Variants in TMEM181 observed in about 807,000 individuals in gnomAD.
The protein encoded by TMEM181 is transmembrane protein 181.
TMEM181 carries 39 observed loss-of-function variants against 71.9 expected under a neutral mutation model. That is an observed-to-expected ratio of 0.54 (90% confidence interval 0.42 to 0.71). The LOEUF (loss-of-function observed/expected upper bound fraction) is 0.71, where lower values mean the gene tolerates loss of function less well. Among genes scored for constraint, TMEM181 ranks in the 30% least tolerant of loss-of-function variants. The pLI is 0.00. For synonymous variants in TMEM181, 245 were observed against 228.8 expected, an observed-to-expected ratio of 1.07 and a Z score of -0.64; for missense variants, 595 against 583.0, an observed-to-expected ratio of 1.02 and a Z score of -0.21.
chr6:158,608,887 C>T lies in TMEM181; in HGVS notation c.896+137C>T, dbSNP rs1275683154. The T allele has an allele frequency of 6.4e-6, 5 of 785,040 alleles. No homozygotes were observed. In the Admixed American group the frequency reaches 1.1e-4, roughly 17 times the overall value. 48.6% of individuals were successfully genotyped at this position (785,040 alleles called of 1,614,324 possible). A position where few individuals can be genotyped will look rare whatever the true frequency, so the allele number is the denominator to read the frequency against. On this transcript the variant is annotated intron_variant, in intron 10 of 16. Coordinates refer to ENST00000684151, the MANE Select transcript of TMEM181 (RefSeq NM_001376852.1). ...CTGAGGCAGGCAAGTCACTTGAGCT[C>T]AGGAGTTCAAGACCAGCCTGGGCAA...
intron 10 of TMEM181, among the ~76,000 whole-genome samples, chr6:158,616,005 T>A (rs1785592302): frequency 6.6e-6 from 1 of 152,238 alleles, no homozygotes; most frequent in Non-Finnish European, 1.5e-5. Context: ...AAGTAGTTTT[T>A]TCCAATTCTG....
intron 6 of TMEM181, among the ~76,000 whole-genome samples, chr6:158,596,948 G>T (rs910784543): frequency 1.5e-4 from 23 of 152,150 alleles, no homozygotes; most frequent in Admixed American, 9.2e-4. Context: ...TTGAGATTTG[G>T]GTGGGGGCAC....
chr6:158,585,863 C>T (rs1783739516), intron 5 of TMEM181, among the ~76,000 whole-genome samples: 1 of 152,150 alleles, frequency 6.6e-6, no homozygotes, highest in South Asian at 2.1e-4. Context: ...TTTGCTCTGT[C>T]AACCAGGCTG....
intron 1 of TMEM181, among the ~76,000 whole-genome samples, chr6:158,570,320 C>A (rs1782732418): frequency 6.6e-6 from 1 of 150,958 alleles, no homozygotes; most frequent in Non-Finnish European, 1.5e-5. Flanking sequence ...GCAAGCTCTG[C>A]CTCCCGGGTT....
Position 158,589,782 on chromosome 6 carries a change from A to G in TMEM181, c.492A>G (p.Thr164=), listed in dbSNP as rs767936763. ...LKLPIKGMNF[T]WKTYNPAFSR... ...TCCCCATCAAGGGAATGAACTTCACAGTAAGTATACCAGCTGACTGCACGT... is the reference window on the plus strand; with the variant it reads ...TCCCCATCAAGGGAATGAACTTCACGGTAAGTATACCAGCTGACTGCACGT... Residue 164 remains threonine (T), a splice_region_variant and synonymous_variant, in exon 6 of 17, where the codon ACA becomes ACG. Coordinates refer to ENST00000684151, the MANE Select transcript of TMEM181 (RefSeq NM_001376852.1). 6.2e-6 allele frequency: 10 copies of G among 1,603,010 alleles called. No homozygotes were observed. The South Asian group carries it at 9.9e-5, about 16-fold the overall frequency.
chr6:158,619,263 C>A (rs1246420671), intron 10 of TMEM181, among the ~76,000 whole-genome samples: 1 of 152,076 alleles, frequency 6.6e-6, no homozygotes, highest in African/African-American at 2.4e-5. Context: ...TTACTGATAC[C>A]CTTTCTTCCA....
At chr6:158,547,286 T>TA (rs919672239) in intron 1 of TMEM181, among the ~76,000 whole-genome samples, 6 of 152,102 alleles carry the variant, frequency 3.9e-5, no homozygotes, top group African/African-American at 1.4e-4. Context: ...TGTCTCTAAA[T>TA]AAATAAATAC....
intron 4 of TMEM181, among the ~76,000 whole-genome samples, chr6:158,585,051 T>C (rs1783688266): frequency 6.6e-6 from 1 of 152,236 alleles, no homozygotes. Flanking sequence ...ACCCTTTTTT[T>C]GTGTGTGAAG....
rs550169358 is a variant in TMEM181, at chr6:158,588,923, G to A, written c.382-749G>A. On this transcript the variant is annotated intron_variant, in intron 5 of 16. Coordinates refer to ENST00000684151, the MANE Select transcript of TMEM181 (RefSeq NM_001376852.1). Reference sequence around the variant, plus strand: ...GGAGAGTGACATTCCGAAAGGCAGGGCCGGGGCAGAGCTTGCTGGGGAGGA... The same window carrying A: ...GGAGAGTGACATTCCGAAAGGCAGGACCGGGGCAGAGCTTGCTGGGGAGGA... 6.3e-4 allele frequency among the ~76,000 whole-genome samples: 96 copies of A among 152,354 alleles called. 2 individuals are homozygous for A. In the South Asian group the frequency reaches 0.018, roughly 28 times the overall value.
At chr6:158,616,096 T>C (rs1252068473) in intron 10 of TMEM181, among the ~76,000 whole-genome samples, 3 of 152,254 alleles carry the variant, frequency 2.0e-5, no homozygotes, top group Non-Finnish European at 2.9e-5. Flanking sequence ...TTTCACGATA[T>C]TGATTCTTCC....
At chr6:158,580,488 ATTATG>A (rs1382329561) in intron 2 of TMEM181, among the ~76,000 whole-genome samples, 28 of 152,216 alleles carry the variant, frequency 1.8e-4, no homozygotes, top group African/African-American at 6.3e-4. Flanking sequence ...ATTAGCATAT[ATTATG>A]TTTATAGCCC....
Position 158,627,615 on chromosome 6 carries a change from G to T in TMEM181, c.1110-793G>T, listed in dbSNP as rs62432930. Among the ~76,000 whole-genome samples, 46 of 74,998 alleles carry T rather than the reference G, an allele frequency of 6.1e-4. 1 individual carries two copies. In the East Asian group the frequency reaches 0.049, roughly 79 times the overall value. 49.2% of individuals were successfully genotyped at this position (74,998 alleles called of 152,430 possible). ...GCCCCAGGCCGCAGAACAGGGCACC[G>T]GCAGCCTGGGTGGGCGTCAGCATGG... On this transcript the variant is annotated intron_variant, in intron 13 of 16. Transcript: ENST00000684151.
chr6:158,601,462 G>A (rs901766944), intron 6 of TMEM181, among the ~76,000 whole-genome samples: 1 of 151,604 alleles, frequency 6.6e-6, no homozygotes, highest in Non-Finnish European at 1.5e-5. Flanking sequence ...CAGGAGAATC[G>A]CTTGAACCCA....
intron 10 of TMEM181, among the ~76,000 whole-genome samples, chr6:158,619,755 G>C (rs1476433854): frequency 6.6e-6 from 1 of 151,652 alleles, no homozygotes; most frequent in African/African-American, 2.4e-5. Context: ...TGTAGTCCCA[G>C]CTACTTGGGA....
chr6:158,585,487 G>T, intron 5 of TMEM181, 62 bp downstream of exon 5: 1 of 1,376,480 alleles, frequency 7.3e-7, no homozygotes, highest in Non-Finnish European at 9.5e-7. Flanking sequence ...TAATTACAGA[G>T]CCACTTTCCA....
chr6:158,615,161 C>T (rs1215764217), intron 10 of TMEM181, among the ~76,000 whole-genome samples: 3 of 152,182 alleles, frequency 2.0e-5, no homozygotes, highest in African/African-American at 4.8e-5. Flanking sequence ...TGTTTCCTGA[C>T]GTTTTAATGA....
At chr6:158,577,793 C>G (rs1315639613) in intron 2 of TMEM181, among the ~76,000 whole-genome samples, 1 of 152,148 alleles carries the variant, frequency 6.6e-6, no homozygotes, top group African/African-American at 2.4e-5. Flanking sequence ...ATTCAAAGTT[C>G]TAAAAGAAAA....
At position 158,625,166 on chromosome 6, in the gene TMEM181, A is replaced by G. The variant is rs773828987; in HGVS notation, c.1017A>G (p.Ile339Met). Residue 339 changes from isoleucine (I) to methionine (M), a missense_variant, in exon 12 of 17, where the codon ATA becomes ATG. Physicochemically the swap from Ile to Met is conservative, Grantham distance 10 (BLOSUM62 1). Coordinates refer to ENST00000684151, the MANE Select transcript of TMEM181 (RefSeq NM_001376852.1). ...ACATTCTGTACCTCTTGTTCTTGATAGTGCGGGCGTGTTCCGAGCTACGTC... is the reference window on the plus strand; with the variant it reads ...ACATTCTGTACCTCTTGTTCTTGATGGTGCGGGCGTGTTCCGAGCTACGTC... ...AVYILYLLFL[I>M]VRACSELRHM... is the part of the protein sequence containing the mutation. 5.6e-6 allele frequency: 9 copies of G among 1,613,996 alleles called. No individual in the cohort carries two copies. Among genetic ancestry groups the G allele is most frequent in the Admixed American group, 1.7e-5 (1 of 60,006 alleles).
At chr6:158,624,639 C>T (rs987641442) in intron 11 of TMEM181, among the ~76,000 whole-genome samples, 6 of 152,234 alleles carry the variant, frequency 3.9e-5, no homozygotes, top group South Asian at 2.1e-4. Flanking sequence ...TCAAGCCCCT[C>T]GTGTCACAGA....
Sources: allele counts gnomAD v4.1 joint callset (sites outside exome capture counted in the v4.1 genomes callset), GRCh38; gene constraint gnomAD v4.1.1; transcripts MANE v1.5; gene names NCBI Gene and HGNC (gene_info 2026-07-23, HGNC 2026-07-21).